CSMD1: variants seen among roughly 807,000 people sequenced by gnomAD.
CSMD1 encodes CUB and Sushi multiple domains 1, also known as CUB and sushi domain-containing protein 1.
CSMD1 carries 213 observed loss-of-function variants against 417.5 expected under a neutral mutation model. The ratio of observed to expected loss-of-function variants is 0.51; its 90% CI spans 0.46 to 0.57. The LOEUF (loss-of-function observed/expected upper bound fraction) is 0.57, where lower values mean the gene tolerates loss of function less well. Among genes scored for constraint, CSMD1 ranks in the 20% least tolerant of loss-of-function variants. The pLI, the probability that CSMD1 is intolerant of heterozygous loss-of-function variation, is 0.00. For synonymous variants in CSMD1, 2,862 were observed against 1,736.8 expected, an observed-to-expected ratio of 1.65 and a Z score of -16.11; for missense variants, 6,923 against 4,529.7, an observed-to-expected ratio of 1.53 and a Z score of -15.17.
intron 15 of CSMD1, among the ~76,000 whole-genome samples, chr8:3,402,534 A>C (rs1279255128): frequency 6.6e-6 from 1 of 152,204 alleles, no homozygotes; most frequent in Non-Finnish European, 1.5e-5. Context: ...CATAAAATTT[A>C]TACTCAACAT....
chr8:3,942,937 C>G (rs1488641575), intron 5 of CSMD1, among the ~76,000 whole-genome samples: 1 of 151,992 alleles, frequency 6.6e-6, no homozygotes, highest in Non-Finnish European at 1.5e-5. Context: ...AAAATACTGG[C>G]ACGACAACAC....
chr8:3,147,817 G>A (rs1413913090), intron 40 of CSMD1, among the ~76,000 whole-genome samples: 1 of 152,206 alleles, frequency 6.6e-6, no homozygotes. Context: ...GAAAACCGAG[G>A]AGGGGAGAGG....
At chr8:3,531,356 T>TG (rs1461548668) in intron 10 of CSMD1, among the ~76,000 whole-genome samples, 4 of 152,212 alleles carry the variant, frequency 2.6e-5, no homozygotes, top group African/African-American at 9.6e-5. Context: ...ATCCGACTTA[T>TG]GCGGCATTTG....
At chr8:3,004,409 A>T (rs1466442896) in intron 52 of CSMD1, among the ~76,000 whole-genome samples, 1 of 152,162 alleles carries the variant, frequency 6.6e-6, no homozygotes, top group African/African-American at 2.4e-5. Context: ...TGGAAGGAAA[A>T]CCTTGGCAAG....
At chr8:3,739,186 A>T (rs1338896258) in intron 6 of CSMD1, among the ~76,000 whole-genome samples, 2 of 152,234 alleles carry the variant, frequency 1.3e-5, no homozygotes, top group Admixed American at 6.5e-5. Context: ...CATGCCGGAT[A>T]CTGTAAGGAA....
At chr8:3,524,205 G>A (rs1283666850) in intron 10 of CSMD1, among the ~76,000 whole-genome samples, 2 of 142,904 alleles carry the variant, frequency 1.4e-5, no homozygotes, top group Non-Finnish European at 3.1e-5. Context: ...GCACACACAT[G>A]CAACCCAGAC....
intron 3 of CSMD1, among the ~76,000 whole-genome samples, chr8:4,179,759 G>GC (rs1798251959): frequency 1.8e-3 from 1 of 570 alleles, no homozygotes; most frequent in Non-Finnish European, 0.012. Flanking sequence ...CCATCAAAAA[G>GC]TGGTGAACAA....
At chr8:4,397,971 G>A (rs949373133) in intron 3 of CSMD1, among the ~76,000 whole-genome samples, 4 of 152,136 alleles carry the variant, frequency 2.6e-5, no homozygotes, top group African/African-American at 9.7e-5. Flanking sequence ...ACCTGCTACT[G>A]AAAAGACTTA....
intron 23 of CSMD1, among the ~76,000 whole-genome samples, chr8:3,329,843 A>G (rs1391039099): frequency 1.3e-5 from 2 of 152,236 alleles, no homozygotes; most frequent in African/African-American, 4.8e-5. Flanking sequence ...CTAGGGGCAC[A>G]GGGCACAGTG....
chr8:4,748,819 G>A (rs7827664), intron 1 of CSMD1, among the ~76,000 whole-genome samples: 47,135 of 152,062 alleles, frequency 0.31, 8,212 homozygotes, highest in Admixed American at 0.45. Context: ...GTGAACATAT[G>A]CCCCTTCGGG....
At chr8:3,410,990 G>C (rs1263165108) in intron 12 of CSMD1, among the ~76,000 whole-genome samples, 1 of 152,180 alleles carries the variant, frequency 6.6e-6, no homozygotes, top group Non-Finnish European at 1.5e-5. Context: ...TCGAAAAGGA[G>C]ATGTGATCCC....
intron 2 of CSMD1, among the ~76,000 whole-genome samples, chr8:4,531,572 T>A (rs897278422): frequency 6.6e-6 from 1 of 152,116 alleles, no homozygotes; most frequent in Admixed American, 6.6e-5. Flanking sequence ...TTTTGCCAGA[T>A]GTAAAGTCCT....
chr8:4,308,832 G>A (rs183206215), intron 3 of CSMD1, among the ~76,000 whole-genome samples: 13 of 152,192 alleles, frequency 8.5e-5, no homozygotes, highest in South Asian at 2.1e-4. Context: ...CATTTATGAA[G>A]CAATGACACC....
chr8:4,196,055 CA>C (rs1390969988), intron 3 of CSMD1, among the ~76,000 whole-genome samples: 1 of 151,846 alleles, frequency 6.6e-6, no homozygotes, highest in East Asian at 2.0e-4. Context: ...ACTGAAAATA[CA>C]AAAAATTAGC....
chr8:4,992,988 C>G (rs1290146229), intron 1 of CSMD1, among the ~76,000 whole-genome samples: 2 of 152,168 alleles, frequency 1.3e-5, no homozygotes, highest in Non-Finnish European at 2.9e-5. Flanking sequence ...CCCGTGGAGG[C>G]AAGTGCAGGG....
At chr8:3,335,756 A>G (rs1426402393) in intron 23 of CSMD1, among the ~76,000 whole-genome samples, 1 of 152,210 alleles carries the variant, frequency 6.6e-6, no homozygotes, top group Non-Finnish European at 1.5e-5. Flanking sequence ...TAGAGCAGAC[A>G]CAGAGCTGGA....
chr8:4,556,902 A>C (rs1798120374), intron 2 of CSMD1, among the ~76,000 whole-genome samples: 1 of 152,242 alleles, frequency 6.6e-6, no homozygotes, highest in African/African-American at 2.4e-5. Flanking sequence ...ATCAAAATTT[A>C]TGAAATAATT....
intron 7 of CSMD1, among the ~76,000 whole-genome samples, chr8:3,640,002 G>C (rs1022725693): frequency 6.6e-6 from 1 of 152,156 alleles, no homozygotes; most frequent in Non-Finnish European, 1.5e-5. Context: ...GGATATAGTA[G>C]GTGCTCAATA....
intron 10 of CSMD1, among the ~76,000 whole-genome samples, chr8:3,533,922 T>A (rs1416281442): frequency 6.6e-6 from 1 of 152,190 alleles, no homozygotes; most frequent in South Asian, 2.1e-4. Flanking sequence ...ATCCCTTTGG[T>A]CCACCAATCA....
Sources: allele counts gnomAD v4.1 joint callset (sites outside exome capture counted in the v4.1 genomes callset), GRCh38; gene constraint gnomAD v4.1.1; transcripts MANE v1.5; gene names NCBI Gene and HGNC (gene_info 2026-07-23, HGNC 2026-07-21).